The following SUCLG2 variants were observed in gnomAD, a reference collection of about 807,000 sequenced individuals.
SUCLG2 encodes succinate--CoA ligase [GDP-forming] subunit beta, mitochondrial.
In SUCLG2, 42 loss-of-function variants were observed where a neutral mutation model predicts 47.9. The observed-to-expected ratio is 0.88, with a 90% CI of 0.69 to 1.14. The LOEUF is 1.14. SUCLG2 is among the 50% of genes most tolerant of loss of function. The pLI is 0.00. For synonymous variants in SUCLG2, 195 were observed against 197.3 expected, an observed-to-expected ratio of 0.99 and a Z score of 0.10; for missense variants, 571 against 525.9, an observed-to-expected ratio of 1.09 and a Z score of -0.84.
chr3:67,429,227 A>C (rs1383511957), intron 9 of SUCLG2, among the ~76,000 whole-genome samples: 1 of 152,250 alleles, frequency 6.6e-6, no homozygotes, highest in Non-Finnish European at 1.5e-5. Context: ...CACAAAGGGA[A>C]GTCCATTAGA....
In SUCLG2 at chr3:67,394,357, G is replaced by A. The variant is rs1430707120; in HGVS notation, c.1183+6374C>T. Reference sequence around the variant, plus strand: ...CTGATGGAGCTGAAAGCCAAGGCTCGAGAACTACTTGAAGAATGCAGAAGC... The same window carrying A: ...CTGATGGAGCTGAAAGCCAAGGCTCAAGAACTACTTGAAGAATGCAGAAGC... On this transcript the variant is annotated intron_variant, in intron 10 of 10. Transcript: ENST00000307227. Among the ~76,000 whole-genome samples the A allele has an allele frequency of 6.0e-5, 9 of 151,120 alleles. 1 individual carries two copies. Among genetic ancestry groups the A allele is most frequent in the South Asian group, 4.2e-4 (2 of 4,760 alleles).
chr3:67,385,086 T>C (rs1362110556), intron 10 of SUCLG2, among the ~76,000 whole-genome samples: 2 of 152,190 alleles, frequency 1.3e-5, no homozygotes, highest in Non-Finnish European at 2.9e-5. Flanking sequence ...TTTTGATGGC[T>C]CATCAAATAT....
chr3:67,393,516 A>T (rs538941361), intron 10 of SUCLG2, among the ~76,000 whole-genome samples: 1 of 152,208 alleles, frequency 6.6e-6, no homozygotes, highest in African/African-American at 2.4e-5. Context: ...CAAAGCAGCC[A>T]GGAAGCTCGA....
At chr3:67,458,121 G>A (rs1704234106) in intron 9 of SUCLG2, among the ~76,000 whole-genome samples, 1 of 152,108 alleles carries the variant, frequency 6.6e-6, no homozygotes, top group Non-Finnish European at 1.5e-5. Context: ...GAGGGAAGAG[G>A]CCCGCCTTCC....
chr3:67,632,375 G>A (rs1353978257), intron 1 of SUCLG2, among the ~76,000 whole-genome samples: 1 of 152,096 alleles, frequency 6.6e-6, no homozygotes, highest in East Asian at 1.9e-4. Flanking sequence ...TAGAAGCGGG[G>A]TTTCATCATG....
intron 2 of SUCLG2, among the ~76,000 whole-genome samples, chr3:67,545,362 A>G (rs1311972337): frequency 3.9e-5 from 6 of 152,230 alleles, no homozygotes; most frequent in Non-Finnish European, 5.9e-5. Context: ...ACCTACCCCA[A>G]GAGAGATGAA....
chr3:67,416,065 T>C (rs570451844), intron 9 of SUCLG2, among the ~76,000 whole-genome samples: 2 of 152,304 alleles, frequency 1.3e-5, no homozygotes, highest in African/African-American at 2.4e-5. Context: ...TGGAAGCAGA[T>C]TGATCCTCTA....
chr3:67,587,190 A>G (rs980120040), intron 2 of SUCLG2, among the ~76,000 whole-genome samples: 5 of 152,172 alleles, frequency 3.3e-5, no homozygotes, highest in Admixed American at 2.6e-4. Flanking sequence ...TCCCTCGGTG[A>G]CTGAGAGGCT....
rs571533029 is a variant in SUCLG2, at chr3:67,405,678, G to A, written c.1063-4827C>T. ...TAGTGCACACCATATGTATTCAGGA[G>A]AGGGCTATGAGTTTCAGAGGAATAG... On this transcript the variant is annotated intron_variant, in intron 9 of 10. Transcript: ENST00000307227. 3.5e-4 allele frequency among the ~76,000 whole-genome samples: 53 copies of A among 152,278 alleles called. 1 individual carries two copies. The highest frequency in any genetic ancestry group is 1.5e-5 in the Non-Finnish European group (1 of 68,026).
At chr3:67,474,117 G>A (rs1202883198) in intron 9 of SUCLG2, among the ~76,000 whole-genome samples, 6 of 151,964 alleles carry the variant, frequency 3.9e-5, no homozygotes, top group African/African-American at 1.2e-4. Flanking sequence ...AAAATTATCC[G>A]GGCATGGTGG....
At chr3:67,548,485 T>TTATTAGAGTTTAAAAA (rs201561209) in intron 2 of SUCLG2, among the ~76,000 whole-genome samples, 4 of 152,212 alleles carry the variant, frequency 2.6e-5, no homozygotes, top group Non-Finnish European at 4.4e-5. Flanking sequence ...TCCATATCAG[T>TTATTAGAGTTTAAAAA]TATTAGAGTT....
At chr3:67,395,742 C>A (rs1702509371) in intron 10 of SUCLG2, among the ~76,000 whole-genome samples, 1 of 152,154 alleles carries the variant, frequency 6.6e-6, no homozygotes, top group Non-Finnish European at 1.5e-5. Context: ...CACACCACAC[C>A]TATTCCAAAA....
intron 1 of SUCLG2, among the ~76,000 whole-genome samples, chr3:67,630,933 G>C (rs992108943): frequency 6.6e-6 from 1 of 152,186 alleles, no homozygotes; most frequent in Non-Finnish European, 1.5e-5. Context: ...TTTTGCTTTT[G>C]AGTAGTCTCA....
intron 9 of SUCLG2, among the ~76,000 whole-genome samples, chr3:67,494,136 G>A (rs1037619343): frequency 6.6e-6 from 1 of 152,096 alleles, no homozygotes; most frequent in Non-Finnish European, 1.5e-5. Flanking sequence ...TTTTATGCAT[G>A]CAAAACAAAA....
intron 9 of SUCLG2, among the ~76,000 whole-genome samples, chr3:67,433,476 TG>T (rs1703537616): frequency 6.6e-6 from 1 of 152,054 alleles, no homozygotes; most frequent in African/African-American, 2.4e-5. Flanking sequence ...ACGGTGGGTG[TG>T]GAAGGAGGGA....
At chr3:67,422,260 T>G (rs1703177775) in intron 9 of SUCLG2, among the ~76,000 whole-genome samples, 1 of 150,404 alleles carries the variant, frequency 6.6e-6, no homozygotes. Context: ...GATCACAAGG[T>G]CAAGAGATTG....
chr3:67,498,454 A>C (rs1705410036), intron 7 of SUCLG2, among the ~76,000 whole-genome samples, 159 bp from the exon 8 acceptor site: 1 of 152,110 alleles, frequency 6.6e-6, no homozygotes, highest in South Asian at 2.1e-4. Flanking sequence ...TTGACCTTTA[A>C]ATTTTAGGGT....
At chr3:67,499,338 G>A (rs962728931) in intron 7 of SUCLG2, among the ~76,000 whole-genome samples, 10 of 152,014 alleles carry the variant, frequency 6.6e-5, no homozygotes, top group African/African-American at 2.4e-4. Flanking sequence ...GGAAAAAATG[G>A]CAATAACAAT....
chr3:67,560,647 C>T (rs1453220791), intron 2 of SUCLG2, among the ~76,000 whole-genome samples: 1 of 152,112 alleles, frequency 6.6e-6, no homozygotes, highest in Non-Finnish European at 1.5e-5. Context: ...GTGTAGGATA[C>T]CTAAATGGTT....
Sources: allele counts gnomAD v4.1 joint callset (sites outside exome capture counted in the v4.1 genomes callset), GRCh38; gene constraint gnomAD v4.1.1; transcripts MANE v1.5; gene names NCBI Gene and HGNC (gene_info 2026-07-23, HGNC 2026-07-21).